Variants in CCDC91 observed in about 807,000 individuals in gnomAD.
CCDC91 encodes the protein coiled-coil domain-containing protein 91.
In CCDC91, 48 loss-of-function variants were observed where a neutral mutation model predicts 63.2. The ratio of observed to expected loss-of-function variants is 0.76; its 90% CI spans 0.60 to 0.97. CCDC91 has a LOEUF of 0.97. Ranked by LOEUF, CCDC91 falls within the 50% of genes least tolerant of loss-of-function variation. The pLI is 0.00. For synonymous variants in CCDC91, 167 were observed against 165.8 expected (o/e 1.01, Z -0.06); for missense variants, 500 against 494.6 (o/e 1.01, Z -0.10).
chr12:28,505,455 T>G (rs1165950844), intron 12 of CCDC91: 1 of 151,652 alleles, frequency 6.6e-6, no homozygotes, highest in African/African-American at 2.4e-5. Flanking sequence ...CTAAGGAGGG[T>G]CGGGCCTGGT....
chr12:28,209,271 A>C (rs1237600657), intron 1 of CCDC91, among the ~76,000 whole-genome samples: 3 of 152,332 alleles, frequency 2.0e-5, no homozygotes, highest in Non-Finnish European at 4.4e-5. Flanking sequence ...AACCTTTTAT[A>C]ACCTTTTACA....
intron 8 of CCDC91, among the ~76,000 whole-genome samples, chr12:28,443,282 A>G (rs1949329243): frequency 6.6e-6 from 1 of 151,524 alleles, no homozygotes; most frequent in South Asian, 2.1e-4. Flanking sequence ...TTAGTCTAGG[A>G]TATATTCCAT....
chr12:28,295,485 C>T (rs1949511265), intron 3 of CCDC91, among the ~76,000 whole-genome samples: 2 of 151,904 alleles, frequency 1.3e-5, no homozygotes, highest in African/African-American at 4.8e-5. Flanking sequence ...AATGGCAAGT[C>T]GTTCCATGAC....
intron 6 of CCDC91, among the ~76,000 whole-genome samples, chr12:28,313,317 G>A (rs1939512255): frequency 6.6e-6 from 1 of 152,064 alleles, no homozygotes; most frequent in Non-Finnish European, 1.5e-5. Flanking sequence ...GTATGTGTAT[G>A]TATTTATAAA....
intron 12 of CCDC91, among the ~76,000 whole-genome samples, chr12:28,536,118 G>A (rs1942155987): frequency 6.6e-6 from 1 of 152,090 alleles, no homozygotes; most frequent in South Asian, 2.1e-4. Flanking sequence ...AAAGGGACCA[G>A]TTCTATAGGA....
intron 7 of CCDC91, among the ~76,000 whole-genome samples, chr12:28,368,397 T>C (rs1944407912): frequency 6.6e-6 from 1 of 152,230 alleles, no homozygotes; most frequent in Admixed American, 6.5e-5. Flanking sequence ...CTCTGATCTA[T>C]CCTGTGCACT....
intron 1 of CCDC91, among the ~76,000 whole-genome samples, chr12:28,207,488 G>A (rs2135470132): frequency 6.6e-6 from 1 of 152,272 alleles, no homozygotes; most frequent in East Asian, 1.9e-4. Context: ...TTGACCTGAT[G>A]AAAATACACT....
At chr12:28,330,027 A>T (rs1038118652) in intron 6 of CCDC91, among the ~76,000 whole-genome samples, 5 of 152,070 alleles carry the variant, frequency 3.3e-5, no homozygotes, top group Non-Finnish European at 5.9e-5. Flanking sequence ...GATGGACATT[A>T]GGGTTGGTTC....
At chr12:28,388,783 C>G (rs1434505053) in intron 7 of CCDC91, among the ~76,000 whole-genome samples, 1 of 152,100 alleles carries the variant, frequency 6.6e-6, no homozygotes, top group East Asian at 1.9e-4. Flanking sequence ...ACAAATGGTG[C>G]TGGGATAATT....
chr12:28,469,956 C>A (rs1472046712), intron 11 of CCDC91, among the ~76,000 whole-genome samples: 1 of 152,088 alleles, frequency 6.6e-6, no homozygotes, highest in Non-Finnish European at 1.5e-5. Flanking sequence ...AGACTTAAAT[C>A]TAAGACCTCA....
intron 12 of CCDC91, among the ~76,000 whole-genome samples, chr12:28,491,022 A>G (rs1452791189): frequency 6.6e-6 from 1 of 151,854 alleles, no homozygotes; most frequent in African/African-American, 2.4e-5. Flanking sequence ...AATACGTTTT[A>G]ACTTAAAATC....
chr12:28,481,563 G>A (rs987407693), intron 11 of CCDC91, among the ~76,000 whole-genome samples: 1 of 151,996 alleles, frequency 6.6e-6, no homozygotes, highest in Non-Finnish European at 1.5e-5. Flanking sequence ...AACAAAACAT[G>A]CAAGCAGATA....
chr12:28,498,116 C>G (rs1952409220), intron 12 of CCDC91, among the ~76,000 whole-genome samples: 1 of 151,626 alleles, frequency 6.6e-6, no homozygotes. Flanking sequence ...ATATACCTTT[C>G]TGCATCATTA....
At chr12:28,239,163 G>A (rs1445143626) in intron 1 of CCDC91, among the ~76,000 whole-genome samples, 1 of 151,518 alleles carries the variant, frequency 6.6e-6, no homozygotes, top group African/African-American at 2.4e-5. Context: ...ATTAAAAAAT[G>A]TAGTGATAAC....
intron 3 of CCDC91, among the ~76,000 whole-genome samples, chr12:28,304,402 G>GAAAAAAAAAAAA (rs57660180): frequency 2.0e-5 from 2 of 99,274 alleles, no homozygotes; most frequent in Non-Finnish European, 3.8e-5. Context: ...AAAAAAAAAA[G>GAAAAAAAAAAAA]AAAAAAAAAA....
In CCDC91 at chr12:28,450,435, T is replaced by C; in HGVS notation, c.924+17T>C. On this transcript the variant is annotated intron_variant, in intron 10 of 12. Transcript: ENST00000536442. Reference sequence around the variant, plus strand: ...GCTGCAAAGGTATTTCCATCTGTAATAGTGGGTTGCTTGTAAGTAAGTGGA... The same window carrying C: ...GCTGCAAAGGTATTTCCATCTGTAACAGTGGGTTGCTTGTAAGTAAGTGGA... 6.3e-7 allele frequency: 1 copy of C among 1,582,848 alleles called. No individual in the cohort carries two copies. Among genetic ancestry groups the C allele is most frequent in the Non-Finnish European group, 8.7e-7 (1 of 1,152,160 alleles).
chr12:28,449,203 T>G (rs1347110608), intron 8 of CCDC91, among the ~76,000 whole-genome samples: 2 of 152,062 alleles, frequency 1.3e-5, no homozygotes, highest in Admixed American at 1.3e-4. Context: ...TCACTTACTC[T>G]CAATATAGAC....
intron 12 of CCDC91, among the ~76,000 whole-genome samples, chr12:28,500,560 G>A (rs973600082): frequency 2.0e-5 from 3 of 151,674 alleles, no homozygotes; most frequent in Admixed American, 6.6e-5. Context: ...GATAAGATAT[G>A]AGTCATTTCT....
In CCDC91 at chr12:28,421,847, C is replaced by T. The variant is rs572241927; in HGVS notation, c.763-28314C>T. ...CTTTTCCTTTATCCTTCTTCCTATT[C>T]CTTCCCTGTATCCTATCATTTCTGT... is the stretch of plus-strand genomic sequence containing the variant. On this transcript the variant is annotated intron_variant, in intron 8 of 12. Coordinates refer to ENST00000536442, the MANE Select transcript of CCDC91 (RefSeq NM_018318.5). 1.0e-3 allele frequency among the ~76,000 whole-genome samples: 155 copies of T among 152,214 alleles called. 1 individual carries two copies. Among genetic ancestry groups the T allele is most frequent in the African/African-American group, 3.4e-3 (143 of 41,576 alleles).
Sources: gnomAD v4.1 joint callset for allele counts (sites outside exome capture counted in the v4.1 genomes callset) on GRCh38, gnomAD v4.1.1 for gene constraint, MANE v1.5 for transcripts, NCBI Gene and HGNC (gene_info 2026-07-23, HGNC 2026-07-21) for gene names.